Variants in GUCY1A1 observed in about 807,000 individuals in gnomAD.
The protein encoded by GUCY1A1 is guanylate cyclase 1 soluble subunit alpha 1, also known as guanylate cyclase soluble subunit alpha-1.
In GUCY1A1, 48 loss-of-function variants were observed where a neutral mutation model predicts 64.5. The observed-to-expected ratio is 0.74, with a 90% CI of 0.59 to 0.95. The LOEUF is 0.95. Among genes scored for constraint, GUCY1A1 ranks in the 40% least tolerant of loss-of-function variants. The probability of loss-of-function intolerance (pLI) is 0.00; values close to 1 mark genes in which losing one functional copy is unlikely to be tolerated. For missense variants in GUCY1A1, 804 were observed against 825.3 expected (o/e 0.97, Z 0.32); for synonymous variants, 308 against 303.4 (o/e 1.02, Z -0.16).
chr4:155,708,349 A>G (rs554569132), intron 5 of GUCY1A1, 55 bp downstream of exon 5: 8 of 865,328 alleles, frequency 9.2e-6, no homozygotes, highest in South Asian at 5.9e-5. Context: ...TAGAACTCAC[A>G]TTTTCTCCAA....
At chr4:155,719,000 T>C (rs1329815486) in intron 8 of GUCY1A1, among the ~76,000 whole-genome samples, 1 of 152,162 alleles carries the variant, frequency 6.6e-6, no homozygotes, top group Non-Finnish European at 1.5e-5. Context: ...AGGGGGCTTG[T>C]AGCATCAATG....
At chr4:155,668,596 A>G (rs1471668) in intron 2 of GUCY1A1, among the ~76,000 whole-genome samples, 151,872 of 152,334 alleles carry the variant, frequency 1, 75,708 homozygotes, top group Middle Eastern at 1. Flanking sequence ...ATGGGTAAGC[A>G]TAGAAGCACT....
Position 155,713,172 on chromosome 4 carries a change from GGA to G in GUCY1A1, c.1162_1163del (p.Asp388GlnfsTer49). 3 of 1,613,752 alleles carry G rather than the reference GGA, an allele frequency of 1.9e-6. No homozygotes were observed. Among genetic ancestry groups the G allele is most frequent in the Non-Finnish European group, 2.5e-6 (3 of 1,179,720 alleles). ...TCTTGTTTTTGGGGTCACCCTGTGT[GGA>G]CAGATTAGAAGATTTTACAGGACGA... is the stretch of plus-strand genomic sequence containing the variant. ...AILFLGSPCVDRLEDFTGRGL... is the reference protein window; with the variant it reads ...AILFLGSPCVXRLEDFTGRGL... On this transcript the variant is annotated frameshift_variant, in exon 7 of 10. Transcript: ENST00000506455. LOFTEE classifies it high-confidence loss of function.
At chr4:155,689,797 G>A (rs116476685) in intron 2 of GUCY1A1, among the ~76,000 whole-genome samples, 1 of 152,184 alleles carries the variant, frequency 6.6e-6, no homozygotes, top group Non-Finnish European at 1.5e-5. Flanking sequence ...GAGTCGGGGG[G>A]CAGGGGCACT....
In GUCY1A1 at chr4:155,672,508, C is replaced by A. The variant is rs186057649; in HGVS notation, c.-113+5089C>A. On this transcript the variant is annotated intron_variant, in intron 2 of 9. Transcript: ENST00000506455. The stretch of plus-strand genomic sequence containing the variant: ...ATACTGAGACAGACTTGGTCAAATT[C>A]CTCCCTGAAATGAGTCTCCACTTTC... Among the ~76,000 whole-genome samples, 4 of 152,190 alleles carry A rather than the reference C, an allele frequency of 2.6e-5. No individual in the cohort carries two copies. The East Asian group carries it at 7.7e-4, about 29-fold the overall frequency.
intron 2 of GUCY1A1, among the ~76,000 whole-genome samples, chr4:155,689,150 T>C (rs543128045): frequency 1.2e-3 from 186 of 151,606 alleles, no homozygotes; most frequent in Admixed American, 2.7e-3. Context: ...CAGTACTTAT[T>C]TGAAAACAGA....
chr4:155,695,957 TAC>T (rs1730352960), intron 2 of GUCY1A1, among the ~76,000 whole-genome samples: 1 of 152,166 alleles, frequency 6.6e-6, no homozygotes, highest in Non-Finnish European at 1.5e-5. Flanking sequence ...TGGGAGAATT[TAC>T]AACCACAGCA....
At chr4:155,675,956 C>A (rs996569585) in intron 2 of GUCY1A1, among the ~76,000 whole-genome samples, 18 of 151,578 alleles carry the variant, frequency 1.2e-4, no homozygotes, top group Non-Finnish European at 2.2e-4. Flanking sequence ...ATTGCTCTCC[C>A]ACTTGGTCCT....
intron 8 of GUCY1A1, among the ~76,000 whole-genome samples, chr4:155,718,635 G>A (rs1733570928): frequency 6.6e-6 from 1 of 152,150 alleles, no homozygotes; most frequent in Non-Finnish European, 1.5e-5. Flanking sequence ...AGATTCCTTG[G>A]TGGGGATGGC....
chr4:155,688,531 T>C (rs1174408511), intron 2 of GUCY1A1, among the ~76,000 whole-genome samples: 1 of 152,232 alleles, frequency 6.6e-6, no homozygotes, highest in Non-Finnish European at 1.5e-5. Context: ...ACCTAAATTA[T>C]AATGTACTCT....
intron 2 of GUCY1A1, among the ~76,000 whole-genome samples, chr4:155,683,036 G>C (rs771780299): frequency 6.6e-6 from 1 of 152,076 alleles, no homozygotes; most frequent in Non-Finnish European, 1.5e-5. Context: ...TCTGTGCTGA[G>C]TGTTTCTGAT....
chr4:155,681,575 T>G (rs900593869), intron 2 of GUCY1A1, among the ~76,000 whole-genome samples: 3 of 152,176 alleles, frequency 2.0e-5, no homozygotes, highest in Non-Finnish European at 4.4e-5. Context: ...ATTTTCTCAG[T>G]CCTCCTTACC....
chr4:155,713,828 G>T lies in GUCY1A1; in HGVS notation c.1572+245G>T, dbSNP rs113117906. ...CTGCCACACTGTCCTCTCAAAGAAT[G>T]AGGAGAGAATGGAGGGAGGATAGGG... is the stretch of plus-strand genomic sequence containing the variant. On this transcript the variant is annotated intron_variant, in intron 7 of 9. Transcript: ENST00000506455. 7.3e-3 allele frequency among the ~76,000 whole-genome samples: 1,118 copies of T among 152,306 alleles called. 15 individuals carry two copies. The highest frequency in any genetic ancestry group is 0.024 in the African/African-American group (1,017 of 41,564).
chr4:155,709,865 C>G (rs929576394), intron 5 of GUCY1A1, among the ~76,000 whole-genome samples: 1 of 152,040 alleles, frequency 6.6e-6, no homozygotes, highest in Admixed American at 6.6e-5. Context: ...TCCTTAAAAA[C>G]TTCATGTAAC....
intron 2 of GUCY1A1, among the ~76,000 whole-genome samples, chr4:155,677,219 G>A (rs1195143111): frequency 2.6e-5 from 4 of 152,142 alleles, no homozygotes; most frequent in Non-Finnish European, 4.4e-5. Flanking sequence ...AAGATTCTAA[G>A]GGAAGATTAG....
chr4:155,685,557 C>T (rs2126645963), intron 2 of GUCY1A1, among the ~76,000 whole-genome samples: 1 of 152,106 alleles, frequency 6.6e-6, no homozygotes, highest in Admixed American at 6.5e-5. Flanking sequence ...AGCTCCTCCA[C>T]CGCCTGAACC....
chr4:155,728,363 T>A (rs1735033736), intron 9 of GUCY1A1, among the ~76,000 whole-genome samples: 1 of 151,788 alleles, frequency 6.6e-6, no homozygotes, highest in African/African-American at 2.4e-5. Context: ...AACAATTGGC[T>A]CTCACAAGCC....
chr4:155,671,811 T>C (rs1023515106), intron 2 of GUCY1A1, among the ~76,000 whole-genome samples: 1 of 152,174 alleles, frequency 6.6e-6, no homozygotes, highest in Non-Finnish European at 1.5e-5. Flanking sequence ...GTGTCTAAGA[T>C]AATATTCAGT....
chr4:155,687,877 C>A lies in GUCY1A1; in HGVS notation c.-112-8879C>A, dbSNP rs114420064. On this transcript the variant is annotated intron_variant, in intron 2 of 9. Coordinates refer to ENST00000506455, the MANE Select transcript of GUCY1A1 (RefSeq NM_001130682.3). ...AACCCAACCCTCCAAATTATGAAGTCTCTGTCATGCTAATTATCTGCATGA... is the reference window on the plus strand; with the variant it reads ...AACCCAACCCTCCAAATTATGAAGTATCTGTCATGCTAATTATCTGCATGA... Among the ~76,000 whole-genome samples the A allele has an allele frequency of 4.6e-3, 704 of 152,206 alleles. 9 individuals carry two copies. The highest frequency in any genetic ancestry group is 0.015 in the African/African-American group (625 of 41,524).
Sources: gnomAD v4.1 joint callset for allele counts (sites outside exome capture counted in the v4.1 genomes callset) on GRCh38, gnomAD v4.1.1 for gene constraint, MANE v1.5 for transcripts, NCBI Gene and HGNC (gene_info 2026-07-23, HGNC 2026-07-21) for gene names.